GAPVD1: variants seen among roughly 807,000 people sequenced by gnomAD.
The protein encoded by GAPVD1 is GTPase-activating protein and VPS9 domain-containing protein 1.
A neutral mutation model predicts 155.5 loss-of-function variants in GAPVD1; 35 were observed. The observed-to-expected ratio is 0.23, with a 90% confidence interval of 0.17 to 0.30. The LOEUF is 0.30. Ranked by LOEUF, GAPVD1 falls within the 10% of genes least tolerant of loss-of-function variation. The pLI is 1.00. For synonymous variants in GAPVD1, 636 were observed against 619.7 expected (o/e 1.03, Z -0.39); for missense variants, 1,429 against 1,775.7 (o/e 0.80, Z 3.51).
At chr9:125,322,403 C>G (rs1382140884) in intron 10 of GAPVD1, among the ~76,000 whole-genome samples, 1 of 151,790 alleles carries the variant, frequency 6.6e-6, no homozygotes, top group East Asian at 1.9e-4. Context: ...TTCAAATTTA[C>G]TGACATTTAA....
At chr9:125,294,502 A>G (rs1353787220) in intron 2 of GAPVD1, among the ~76,000 whole-genome samples, 1 of 149,336 alleles carries the variant, frequency 6.7e-6, no homozygotes, top group African/African-American at 2.5e-5. Flanking sequence ...GCGTGTCACC[A>G]TGCCCGGCTA....
intron 2 of GAPVD1, among the ~76,000 whole-genome samples, chr9:125,276,225 A>C (rs1404836711): frequency 6.6e-6 from 1 of 152,168 alleles, no homozygotes; most frequent in Non-Finnish European, 1.5e-5. Flanking sequence ...TAGTAAGCCC[A>C]TTCTTTTTTC....
chr9:125,282,561 A>G (rs999829694), intron 2 of GAPVD1, among the ~76,000 whole-genome samples: 1 of 152,202 alleles, frequency 6.6e-6, no homozygotes, highest in Non-Finnish European at 1.5e-5. Context: ...ACTTTGATGA[A>G]AAGGTCATTT....
In GAPVD1 at chr9:125,362,928, G is replaced by A; in HGVS notation, c.*182G>A. 1 of 407,804 alleles carries A rather than the reference G, an allele frequency of 2.5e-6. No homozygotes were observed. The highest frequency in any genetic ancestry group is 4.3e-6 in the Non-Finnish European group (1 of 231,176). 25.3% of individuals were successfully genotyped at this position (407,804 alleles called of 1,614,324 possible). ...TAACAAGCAGGTTCTCTCGTCTTTGGGCTCTTTCCTTTCTGAGTTGCATAT... is the reference window on the plus strand; with the variant it reads ...TAACAAGCAGGTTCTCTCGTCTTTGAGCTCTTTCCTTTCTGAGTTGCATAT... On this transcript the variant is annotated 3_prime_UTR_variant, in exon 28 of 28. Transcript: ENST00000297933.
chr9:125,280,374 C>A (rs865823420), intron 2 of GAPVD1, among the ~76,000 whole-genome samples: 2 of 88,582 alleles, frequency 2.3e-5, no homozygotes, highest in African/African-American at 8.8e-5. Context: ...CCAGCTTGGG[C>A]AACAAGAGCA....
rs1378342926 is a variant in GAPVD1, at chr9:125,365,094, G to A, written c.*2348G>A. 6.6e-6 allele frequency: 1 copy of A among 152,268 alleles called. No homozygotes were observed. Among genetic ancestry groups the A allele is most frequent in the East Asian group, 1.9e-4 (1 of 5,202 alleles). The allele number at this position is 152,268 out of a possible 1,614,324, so 9.4% of individuals were successfully genotyped here. ...GAGGCAGGAGATAGGGCTGTGCTGTGTTGGAGCCGGGGCTGAGGGTAGACC... is the reference window on the plus strand; with the variant it reads ...GAGGCAGGAGATAGGGCTGTGCTGTATTGGAGCCGGGGCTGAGGGTAGACC... On this transcript the variant is annotated 3_prime_UTR_variant, in exon 28 of 28. Coordinates refer to ENST00000297933, the MANE Select transcript of GAPVD1 (RefSeq NM_001282680.3).
chr9:125,349,871 G>C (rs1027656300), intron 21 of GAPVD1, among the ~76,000 whole-genome samples: 3 of 151,994 alleles, frequency 2.0e-5, no homozygotes, highest in South Asian at 2.1e-4. Context: ...AAGAAGAAAG[G>C]GTTTCTTGTC....
intron 27 of GAPVD1, 115 bp downstream of exon 27, chr9:125,360,840 A>G (rs757789886): frequency 1.3e-6 from 1 of 745,522 alleles, no homozygotes; most frequent in Non-Finnish European, 2.3e-6. Context: ...GCTCTGGGTT[A>G]CTCAGAAAGA....
Position 125,307,761 on chromosome 9 carries a change from T to C in GAPVD1, c.1322T>C (p.Leu441Ser). 6.2e-7 allele frequency: 1 copy of C among 1,613,990 alleles called. No individual in the cohort carries two copies. The highest frequency in any genetic ancestry group is 8.5e-7 in the Non-Finnish European group (1 of 1,179,866). ...REDRMALDNL[L>S]ANLPPAKPGK... The stretch of plus-strand genomic sequence containing the variant: ...GATAGAATGGCTCTTGACAATTTAT[T>C]GGCAAACCTACCCCCGGCCAAGCCA... The change falls in exon 8 of 28, where the codon TTG (leucine) becomes TCG (serine). Residue 441 changes from leucine to serine, a missense_variant. Leu to Ser is a moderately radical substitution (Grantham distance 145). Around this residue, in one of 4 missense-constraint regions of GAPVD1, gnomAD observed 628 missense variants for 733.4 expected, o/e 0.86. Transcript: ENST00000297933.
chr9:125,339,855 TGTTAA>T (rs1419585887), intron 17 of GAPVD1, among the ~76,000 whole-genome samples: 1 of 152,234 alleles, frequency 6.6e-6, no homozygotes, highest in Non-Finnish European at 1.5e-5. Flanking sequence ...TCATCCCCAC[TGTTAA>T]GTTAACTCTT....
At chr9:125,357,133 TA>T (rs1383838214) in intron 25 of GAPVD1, among the ~76,000 whole-genome samples, 1 of 152,192 alleles carries the variant, frequency 6.6e-6, no homozygotes, top group African/African-American at 2.4e-5. Context: ...CCCCTGTTCT[TA>T]ATCACTGGTT....
intron 25 of GAPVD1, among the ~76,000 whole-genome samples, chr9:125,358,996 C>T (rs1437826790): frequency 6.6e-6 from 1 of 152,222 alleles, no homozygotes; most frequent in Non-Finnish European, 1.5e-5. Context: ...TCTTCATCTA[C>T]AAAGTGAAAG....
chr9:125,323,700 C>T (rs1844728784), intron 10 of GAPVD1, 98 bp from the exon 11 acceptor site: 2 of 1,163,156 alleles, frequency 1.7e-6, no homozygotes, highest in African/African-American at 3.0e-5. Flanking sequence ...ATTAAAAACA[C>T]TTTAATCAGT....
rs116119965 is a variant in GAPVD1, at chr9:125,359,748, G to A, written c.4044+256G>A. ...CTTCTCAAGTCAGCCCTGCTCTCAG[G>A]GGCAGTACCTCTCCATCAGTGCTTT... On this transcript the variant is annotated intron_variant, in intron 26 of 27. Transcript: ENST00000297933. The A allele has an allele frequency of 2.2e-3, 933 of 417,542 alleles. 11 individuals are homozygous for A. The highest frequency in any genetic ancestry group is 0.017 in the African/African-American group (829 of 49,484). 25.9% of individuals were successfully genotyped at this position (417,542 alleles called of 1,614,324 possible). A position where few individuals can be genotyped will look rare whatever the true frequency, so the allele number is the denominator to read the frequency against.
At chr9:125,295,888 G>A (rs1839771560) in intron 3 of GAPVD1, among the ~76,000 whole-genome samples, 1 of 152,098 alleles carries the variant, frequency 6.6e-6, no homozygotes, top group African/African-American at 2.4e-5. Context: ...AGCTCCTTGA[G>A]ATTAGGCGAT....
chr9:125,275,395 A>G (rs1242409373), intron 2 of GAPVD1, among the ~76,000 whole-genome samples: 1 of 152,128 alleles, frequency 6.6e-6, no homozygotes, highest in Non-Finnish European at 1.5e-5. Flanking sequence ...TATTTTTTTG[A>G]TGGACATCTT....
intron 23 of GAPVD1, 91 bp from the exon 24 acceptor site, chr9:125,354,563 A>T (rs1435257451): frequency 2.5e-6 from 2 of 792,580 alleles, no homozygotes; most frequent in Admixed American, 2.2e-5. Flanking sequence ...TCTGTGCAGT[A>T]ATTTTTCTAA....
At position 125,268,491 on chromosome 9, in the gene GAPVD1, CATT is replaced by C. The variant is rs1439810318; in HGVS notation, c.-198-444_-198-442del. On this transcript the variant is annotated intron_variant, in intron 1 of 27. Coordinates refer to ENST00000297933, the MANE Select transcript of GAPVD1 (RefSeq NM_001282680.3). ...GTTTATTTGGAATAATTACCCCTAA[CATT>C]GTTTTTTTTTTTTTTTTTTTTTCGA... is the stretch of plus-strand genomic sequence containing the variant. 6.3e-5 allele frequency among the ~76,000 whole-genome samples: 9 copies of C among 142,946 alleles called. No homozygotes were observed. The East Asian group carries it at 8.1e-4, about 13-fold the overall frequency. 93.8% of individuals were successfully genotyped at this position (142,946 alleles called of 152,430 possible). A position where few individuals can be genotyped will look rare whatever the true frequency, so the allele number is the denominator to read the frequency against.
intron 23 of GAPVD1, among the ~76,000 whole-genome samples, chr9:125,351,739 T>C (rs977005274): frequency 1.3e-5 from 2 of 151,580 alleles, no homozygotes; most frequent in African/African-American, 2.4e-5. Context: ...CCATGGTCTT[T>C]CTTTTTTTTT....
Sources: gnomAD v4.1 joint callset for allele counts (sites outside exome capture counted in the v4.1 genomes callset) on GRCh38, gnomAD v4.1.1 for gene constraint, gnomAD v4.1.1 regional missense constraint, MANE v1.5 for transcripts, NCBI Gene and HGNC (gene_info 2026-07-23, HGNC 2026-07-21) for gene names.